GPR89B: variants seen among roughly 807,000 people sequenced by gnomAD.
The protein encoded by GPR89B is G protein-coupled receptor 89B.
In GPR89B, 25 loss-of-function variants were observed where a neutral mutation model predicts 52.4. The ratio of observed to expected loss-of-function variants is 0.48; its 90% confidence interval spans 0.35 to 0.67. GPR89B has a LOEUF of 0.67. GPR89B is among the 30% of genes least tolerant of loss of function. GPR89B has a pLI of 0.01. For synonymous variants in GPR89B, 52 were observed against 151.2 expected (o/e 0.34, Z 4.81); for missense variants, 146 against 450.2 (o/e 0.32, Z 6.11).
the GPR89B span, among the ~76,000 whole-genome samples, chr1:148,013,539 G>A: frequency 6.6e-6 from 1 of 152,058 alleles, no homozygotes; most frequent in Non-Finnish European, 1.5e-5. Context: ...AGCATTTCCC[G>A]AGTGTCTTTC....
the GPR89B span, among the ~76,000 whole-genome samples, chr1:148,012,669 GAGGAA>G: frequency 2.0e-5 from 3 of 151,912 alleles, 1 homozygote; most frequent in South Asian, 2.1e-4. Context: ...CAAAAGAGGA[GAGGAA>G]AGAATAATAT....
chr1:148,008,233 A>G, the GPR89B span, among the ~76,000 whole-genome samples: 1 of 152,360 alleles, frequency 6.6e-6, no homozygotes, highest in East Asian at 1.9e-4. Context: ...TTTGTCATGA[A>G]GAGACCATTT....
At chr1:148,017,241 A>G in the GPR89B span, among the ~76,000 whole-genome samples, 1 of 150,880 alleles carries the variant, frequency 6.6e-6, no homozygotes, top group Non-Finnish European at 1.5e-5. Flanking sequence ...CAGGGGTTTC[A>G]CCGTATTAGC....
chr1:147,994,173 G>T (rs1177076819), downstream of GPR89B: 21 of 1,438,726 alleles, frequency 1.5e-5, no homozygotes, highest in Non-Finnish European at 1.9e-5. Flanking sequence ...CATGGTGAAT[G>T]GTTTCCAGTG....
At chr1:148,014,440 G>A in the GPR89B span, 1 of 151,138 alleles carries the variant, frequency 6.6e-6, no homozygotes, top group Admixed American at 6.6e-5. Flanking sequence ...GAACCCAGCC[G>A]CCGGATAGCG....
chr1:147,983,750 C>A (rs1299678464), intron 10 of GPR89B, among the ~76,000 whole-genome samples: 10 of 151,786 alleles, frequency 6.6e-5, no homozygotes, highest in African/African-American at 1.5e-4. Flanking sequence ...TAGTTCAACC[C>A]TTGTGGAAGT....
At chr1:148,021,251 C>T in the GPR89B span, among the ~76,000 whole-genome samples, 1 of 151,228 alleles carries the variant, frequency 6.6e-6, no homozygotes, top group South Asian at 2.1e-4. Context: ...GCCTGTAATC[C>T]CAGCACTTTG....
chr1:148,009,751 C>T, the GPR89B span, among the ~76,000 whole-genome samples: 1 of 152,118 alleles, frequency 6.6e-6, no homozygotes, highest in Admixed American at 6.5e-5. Flanking sequence ...TCCATCCCTG[C>T]CCTCCCAAGA....
At chr1:147,986,400 T>A in intron 11 of GPR89B, 106 bp downstream of exon 11, 1 of 1,309,132 alleles carries the variant, frequency 7.6e-7, no homozygotes. Context: ...TGCTTCTGCT[T>A]TTGTTCTTCC....
intron 2 of GPR89B, among the ~76,000 whole-genome samples, chr1:147,937,698 T>G (rs1654205981): frequency 6.6e-6 from 1 of 152,178 alleles, no homozygotes; most frequent in African/African-American, 2.4e-5. Flanking sequence ...CTGCAAGCAG[T>G]CGGACCTTAT....
At chr1:148,001,686 G>C in the GPR89B span, among the ~76,000 whole-genome samples, 1 of 150,552 alleles carries the variant, frequency 6.6e-6, no homozygotes, top group Non-Finnish European at 1.5e-5. Context: ...ACACTATCTA[G>C]GCTCGTTTCC....
chr1:147,997,274 G>C (rs1659337251), downstream of GPR89B, among the ~76,000 whole-genome samples: 1 of 152,178 alleles, frequency 6.6e-6, no homozygotes, highest in African/African-American at 2.4e-5. Context: ...GGAATACCTA[G>C]AAGCCCGGTA....
intron 10 of GPR89B, among the ~76,000 whole-genome samples, chr1:147,975,107 T>A: frequency 6.8e-6 from 1 of 146,228 alleles, no homozygotes; most frequent in Admixed American, 6.9e-5. Flanking sequence ...ATCAATGTTC[T>A]TCAGGGATAT....
chr1:147,973,441 G>A (rs1458011203), intron 10 of GPR89B, among the ~76,000 whole-genome samples: 1 of 151,350 alleles, frequency 6.6e-6, no homozygotes, highest in Non-Finnish European at 1.5e-5. Context: ...TTTTTCATAC[G>A]TTTGTTGGCC....
chr1:147,943,319 A>G (rs1654700692), intron 3 of GPR89B, 119 bp from the exon 4 acceptor site: 2 of 1,496,012 alleles, frequency 1.3e-6, no homozygotes, highest in Non-Finnish European at 1.8e-6. Flanking sequence ...TAGTAGGCTG[A>G]TTAGATAGGA....
chr1:147,937,163 A>G lies in GPR89B; in HGVS notation c.102+477A>G, dbSNP rs587628584. Among the ~76,000 whole-genome samples the G allele has an allele frequency of 7.8e-3, 1,181 of 151,350 alleles. 15 individuals carry two copies. The highest frequency in any genetic ancestry group is 0.026 in the African/African-American group (1,071 of 40,890). On this transcript the variant is annotated intron_variant, in intron 2 of 13. Coordinates refer to ENST00000314163, the MANE Select transcript of GPR89B (RefSeq NM_016334.5). ...AAAGAGAAAGAGTACAAAGAGAGAA[A>G]TTTTACAGCTGGGCCTCCAGGAGTG...
the GPR89B span, among the ~76,000 whole-genome samples, chr1:148,009,748 C>A: frequency 6.6e-6 from 1 of 152,162 alleles, no homozygotes; most frequent in Non-Finnish European, 1.5e-5. Flanking sequence ...ACCTCCATCC[C>A]TGCCCTCCCA....
the GPR89B span, among the ~76,000 whole-genome samples, chr1:148,007,408 G>A: frequency 7.8e-4 from 118 of 152,050 alleles, 4 homozygotes; most frequent in African/African-American, 2.7e-3. Context: ...CATAACATTT[G>A]TACATATTTA....
intron 1 of GPR89B, among the ~76,000 whole-genome samples, chr1:147,931,708 T>G (rs1653631825): frequency 6.6e-6 from 1 of 152,068 alleles, no homozygotes; most frequent in Non-Finnish European, 1.5e-5. Flanking sequence ...TACTCAATAA[T>G]TAGTTTTTCA....
Sources: gnomAD v4.1 joint callset for allele counts (sites outside exome capture counted in the v4.1 genomes callset) on GRCh38, gnomAD v4.1.1 for gene constraint, MANE v1.5 for transcripts, NCBI Gene and HGNC (gene_info 2026-07-23, HGNC 2026-07-21) for gene names.